ST18: variants seen among roughly 807,000 people sequenced by gnomAD.
ST18 encodes the protein suppression of tumorigenicity 18 protein.
In ST18, 50 loss-of-function variants were observed where a neutral mutation model predicts 110.0. The observed-to-expected ratio is 0.45, with a 90% confidence interval of 0.36 to 0.58. The LOEUF (loss-of-function observed/expected upper bound fraction) is 0.58, where lower values mean the gene tolerates loss of function less well. Among genes scored for constraint, ST18 ranks in the 20% least tolerant of loss-of-function variants. ST18 has a pLI of 0.00. For synonymous variants in ST18, 461 were observed against 452.4 expected, an observed-to-expected ratio of 1.02 and a Z score of -0.24; for missense variants, 1,306 against 1,280.1, an observed-to-expected ratio of 1.02 and a Z score of -0.31.
intron 2 of ST18, among the ~76,000 whole-genome samples, chr8:52,366,319 C>A (rs1050353839): frequency 1.4e-4 from 22 of 152,082 alleles, no homozygotes; most frequent in Non-Finnish European, 2.5e-4. Context: ...CTCTCTACAG[C>A]GAGCAGAGGC....
chr8:52,400,140 AG>A (rs1331453842), intron 2 of ST18, among the ~76,000 whole-genome samples: 1 of 152,094 alleles, frequency 6.6e-6, no homozygotes, highest in Non-Finnish European at 1.5e-5. Context: ...TTAATAGGTT[AG>A]CCCTTTTACC....
intron 3 of ST18, 82 bp from the exon 4 acceptor site, chr8:52,221,875 G>T (rs940092191): frequency 2.0e-5 from 3 of 151,720 alleles, no homozygotes; most frequent in Non-Finnish European, 2.9e-5. Context: ...TAGCACAGGA[G>T]CTTGGGAATT....
intron 16 of ST18, among the ~76,000 whole-genome samples, chr8:52,147,477 C>A (rs182409510): frequency 6.6e-6 from 1 of 151,824 alleles, no homozygotes; most frequent in Non-Finnish European, 1.5e-5. Flanking sequence ...CGCAAGACAC[C>A]CTAGATGAAG....
chr8:52,258,962 T>C (rs1362960329), intron 2 of ST18, among the ~76,000 whole-genome samples: 2 of 152,060 alleles, frequency 1.3e-5, no homozygotes, highest in East Asian at 3.8e-4. Context: ...CAAAAACAAA[T>C]CCTCTACTCT....
At chr8:52,209,976 T>C (rs1024140403) in intron 8 of ST18, 5 of 448,000 alleles carry the variant, frequency 1.1e-5, no homozygotes, top group Non-Finnish European at 1.8e-5. Flanking sequence ...TGTACACACA[T>C]TAATTCCTTA....
intron 9 of ST18, among the ~76,000 whole-genome samples, chr8:52,174,784 G>A (rs1563869630): frequency 6.6e-6 from 1 of 152,164 alleles, no homozygotes; most frequent in South Asian, 2.1e-4. Flanking sequence ...CACAGCACAC[G>A]CGGGTTTCTA....
intron 13 of ST18, among the ~76,000 whole-genome samples, chr8:52,162,152 A>G (rs1220710575): frequency 1.3e-5 from 2 of 152,324 alleles, no homozygotes; most frequent in East Asian, 1.9e-4. Flanking sequence ...CGGAGGTTGC[A>G]GTGAACTGAG....
chr8:52,133,321 A>T lies in ST18; in HGVS notation c.2301-20T>A. 6.2e-7 allele frequency: 1 copy of T among 1,614,002 alleles called. No homozygotes were observed. Among genetic ancestry groups the T allele is most frequent in the Non-Finnish European group, 8.5e-7 (1 of 1,180,004 alleles). On this transcript the variant is annotated intron_variant, in intron 19 of 25. Transcript: ENST00000689386. ...GGACACCTGGAAGGCACAGGAAGAG[A>T]GCATGGGCTGAGAAGTTGTAGTTGG...
At chr8:52,133,710 AATTATTATTATT>A (rs10547451) in intron 19 of ST18, among the ~76,000 whole-genome samples, 332 of 147,968 alleles carry the variant, frequency 2.2e-3, no homozygotes, top group African/African-American at 7.4e-3. Context: ...AAGTTTTCCA[AATTATTATTATT>A]ATTATTATTA....
intron 5 of ST18, among the ~76,000 whole-genome samples, chr8:52,219,545 G>T (rs550000639): frequency 1.3e-5 from 2 of 152,218 alleles, no homozygotes; most frequent in Admixed American, 1.3e-4. Context: ...TCTATACAGA[G>T]AACTGAAGAA....
intron 8 of ST18, among the ~76,000 whole-genome samples, chr8:52,192,817 GGTACACAGAAAGA>G (rs2074996782): frequency 6.6e-6 from 1 of 152,108 alleles, no homozygotes; most frequent in African/African-American, 2.4e-5. Flanking sequence ...CTTTCACTAG[GGTACACAGAAAGA>G]GTCCTATTCA....
chr8:52,199,771 G>A (rs893855324), intron 8 of ST18, among the ~76,000 whole-genome samples: 2 of 152,132 alleles, frequency 1.3e-5, no homozygotes, highest in African/African-American at 2.4e-5. Context: ...TTGACCCATG[G>A]CCACCTAAAC....
At chr8:52,147,544 G>A (rs140116027) in intron 16 of ST18, among the ~76,000 whole-genome samples, 46 of 152,186 alleles carry the variant, frequency 3.0e-4, no homozygotes, top group African/African-American at 1.0e-3. Context: ...GGAGGCTTAT[G>A]CCTGACAATT....
chr8:52,216,358 T>C (rs543094960), intron 6 of ST18, among the ~76,000 whole-genome samples: 3 of 152,300 alleles, frequency 2.0e-5, no homozygotes, highest in Admixed American at 2.0e-4. Flanking sequence ...CATAATTGTG[T>C]TCTGTTTGAG....
chr8:52,123,402 A>G (rs1476407116), intron 23 of ST18, among the ~76,000 whole-genome samples: 6 of 152,222 alleles, frequency 3.9e-5, no homozygotes, highest in Admixed American at 3.9e-4. Flanking sequence ...AAGATCATCC[A>G]GAGAACAATT....
At chr8:52,364,393 C>T (rs1311962926) in intron 2 of ST18, among the ~76,000 whole-genome samples, 2 of 152,184 alleles carry the variant, frequency 1.3e-5, no homozygotes, top group African/African-American at 4.8e-5. Context: ...TGATGTCTTT[C>T]TCGCTGCATT....
At chr8:52,308,275 T>C (rs980792051) in intron 2 of ST18, among the ~76,000 whole-genome samples, 17 of 152,236 alleles carry the variant, frequency 1.1e-4, no homozygotes, top group African/African-American at 4.1e-4. Flanking sequence ...TATGCCACTC[T>C]CACTATTTTT....
chr8:52,226,815 A>G (rs987757665), intron 3 of ST18, among the ~76,000 whole-genome samples: 2 of 152,208 alleles, frequency 1.3e-5, no homozygotes, highest in Non-Finnish European at 2.9e-5. Context: ...TATTATGTAA[A>G]GAGAATTTTC....
At chr8:52,406,217 C>T (rs976605545) in intron 2 of ST18, 2 of 152,200 alleles carry the variant, frequency 1.3e-5, no homozygotes, top group Non-Finnish European at 2.9e-5. Flanking sequence ...AGCAGAGGAA[C>T]CTTTCACAAA....
Sources: gnomAD v4.1 joint callset for allele counts (sites outside exome capture counted in the v4.1 genomes callset) on GRCh38, gnomAD v4.1.1 for gene constraint, MANE v1.5 for transcripts, NCBI Gene and HGNC (gene_info 2026-07-23, HGNC 2026-07-21) for gene names.